MYOF: variants seen among roughly 807,000 people sequenced by gnomAD.
MYOF encodes the protein myoferlin.
Under a neutral mutation model 284.2 loss-of-function variants are expected in MYOF, and 244 were observed. That is an observed-to-expected ratio of 0.86 (90% confidence interval 0.77 to 0.95). The LOEUF is 0.95. MYOF is among the 40% of genes least tolerant of loss of function. The probability of loss-of-function intolerance (pLI) is 0.00; values close to 1 mark genes in which losing one functional copy is unlikely to be tolerated. For missense variants in MYOF, 2,496 were observed against 2,560.6 expected (o/e 0.97, Z 0.54); for synonymous variants, 904 against 919.7 (o/e 0.98, Z 0.31).
At chr10:93,425,020 C>A (rs1461224890) in intron 5 of MYOF, among the ~76,000 whole-genome samples, 1 of 133,406 alleles carries the variant, frequency 7.5e-6, no homozygotes, top group African/African-American at 2.8e-5. Context: ...CTCACTGAAA[C>A]CTCCTCCTCA....
Position 93,328,831 on chromosome 10 carries a change from T to G in MYOF, c.5063A>C (p.Gln1688Pro). 6.2e-7 allele frequency: 1 copy of G among 1,613,798 alleles called. No homozygotes were observed. Among genetic ancestry groups the G allele is most frequent in the South Asian group, 1.1e-5 (1 of 91,000 alleles). ...QNVARFKGFP[Q>P]PILSEDGSRI... Reference sequence around the variant, plus strand: ...ACTCCCATCTTCGGAAAGGATGGGTTGTGGGAAGCCTTTGAATCTGGCGAC... The same window carrying G: ...ACTCCCATCTTCGGAAAGGATGGGTGGTGGGAAGCCTTTGAATCTGGCGAC... The change falls in exon 45 of 54, where the codon CAA (glutamine) becomes CCA (proline). Residue 1688 changes from glutamine to proline, a missense_variant. Gln to Pro is a moderately conservative substitution (Grantham distance 76). Around this residue, in one of 3 missense-constraint regions of MYOF, gnomAD observed 2,436 missense variants for 2,480.7 expected, o/e 0.98. Coordinates refer to ENST00000359263, the MANE Select transcript of MYOF (RefSeq NM_013451.4).
At position 93,379,872 on chromosome 10, in the gene MYOF, T is replaced by C. The variant is rs745950284; in HGVS notation, c.1992A>G (p.Ala664=). 1.2e-6 allele frequency: 2 copies of C among 1,613,556 alleles called. No homozygotes were observed. The highest frequency in any genetic ancestry group is 1.3e-5 in the African/African-American group (1 of 74,918). Reference sequence around the variant, plus strand: ...AAAAAGAGAAACTTACCAGCCGTTCTGCCATAGCTAGGAGAGTGTTCACCG... The same window carrying C: ...AAAAAGAGAAACTTACCAGCCGTTCCGCCATAGCTAGGAGAGTGTTCACCG... ...LDAVNTLLAM[A]ERLQTNIEAL... The change falls in exon 21 of 54, where the codon GCA becomes GCG. Residue 664 remains alanine (A), a synonymous_variant. Transcript: ENST00000359263.
chr10:93,357,606 AAT>A (rs1182711986), intron 29 of MYOF, among the ~76,000 whole-genome samples: 1 of 152,234 alleles, frequency 6.6e-6, no homozygotes, highest in African/African-American at 2.4e-5. Context: ...AATGTGGAAT[AAT>A]ATTCAAGACC....
chr10:93,451,742 T>C (rs146713828), intron 3 of MYOF, among the ~76,000 whole-genome samples: 71 of 152,072 alleles, frequency 4.7e-4, no homozygotes, highest in Non-Finnish European at 9.3e-4. Context: ...CTGCCAGAGG[T>C]AGGAAGTGCA....
Position 93,351,660 on chromosome 10 carries a change from C to T in MYOF, c.3663+5G>A, listed in dbSNP as rs368203793. ...AAGTTATCTTAGAAATTCTAAACGACCTACCACTTGGTCATTGTCAAAAAG... is the reference window on the plus strand; with the variant it reads ...AAGTTATCTTAGAAATTCTAAACGATCTACCACTTGGTCATTGTCAAAAAG... On this transcript the variant is annotated splice_donor_5th_base_variant and intron_variant, in intron 33 of 53. Transcript: ENST00000359263. The T allele has an allele frequency of 6.3e-6, 10 of 1,590,196 alleles. No individual in the cohort carries two copies. In the African/African-American group the frequency reaches 6.8e-5, roughly 11 times the overall value.
chr10:93,369,348 A>G (rs1845481570), intron 25 of MYOF, among the ~76,000 whole-genome samples: 1 of 152,090 alleles, frequency 6.6e-6, no homozygotes, highest in African/African-American at 2.4e-5. Flanking sequence ...AGAGCTAGAA[A>G]GACACCCATT....
intron 5 of MYOF, among the ~76,000 whole-genome samples, chr10:93,414,070 T>C (rs908175710): frequency 2.0e-5 from 3 of 152,130 alleles, no homozygotes; most frequent in African/African-American, 7.2e-5. Flanking sequence ...AAAATCAAGA[T>C]GTTGGCAGAG....
chr10:93,437,982 T>C (rs978478147), intron 3 of MYOF, among the ~76,000 whole-genome samples: 2 of 152,190 alleles, frequency 1.3e-5, no homozygotes, highest in South Asian at 2.1e-4. Context: ...AAGCCTGTGC[T>C]TCCTTATGAA....
chr10:93,390,601 T>C (rs1021567990), intron 17 of MYOF, among the ~76,000 whole-genome samples: 1 of 152,162 alleles, frequency 6.6e-6, no homozygotes, highest in African/African-American at 2.4e-5. Context: ...TACATGAACA[T>C]ATAAATTGGC....
intron 16 of MYOF, among the ~76,000 whole-genome samples, chr10:93,395,727 G>A (rs780582934): frequency 4.0e-5 from 6 of 151,714 alleles, no homozygotes; most frequent in East Asian, 1.9e-4. Context: ...CAAGGGATTC[G>A]GTTGAGAAGG....
intron 15 of MYOF, 72 bp from the exon 16 acceptor site, chr10:93,396,296 A>C: frequency 9.2e-7 from 1 of 1,081,278 alleles, no homozygotes; most frequent in South Asian, 1.7e-5. Context: ...ATATGTCTTC[A>C]TTTCAACAAT....
intron 4 of MYOF, among the ~76,000 whole-genome samples, chr10:93,429,622 A>G (rs1416382630): frequency 2.6e-5 from 4 of 152,254 alleles, no homozygotes; most frequent in African/African-American, 9.6e-5. Flanking sequence ...TGGCAAATCT[A>G]TAAGTTTTAG....
chr10:93,400,746 A>G (rs7087305), intron 12 of MYOF, among the ~76,000 whole-genome samples: 3 of 152,102 alleles, frequency 2.0e-5, no homozygotes, highest in Non-Finnish European at 4.4e-5. Flanking sequence ...AAATGGAATC[A>G]CTAGAAGCGA....
intron 46 of MYOF, among the ~76,000 whole-genome samples, chr10:93,325,508 T>G (rs1019092224): frequency 6.6e-6 from 1 of 152,050 alleles, no homozygotes; most frequent in African/African-American, 2.4e-5. Context: ...ACTCAAGGAC[T>G]CTCTGTAATA....
chr10:93,364,059 C>CT lies in MYOF; in HGVS notation c.2769dup (p.Asp924ArgfsTer9). On this transcript the variant is annotated frameshift_variant, in exon 27 of 54. Transcript: ENST00000359263. LOFTEE classifies it high-confidence loss of function. ...TCAGTGAACTCCGTGTGACCTGCAT[C>CT]TGCCTCAGTCAGCAAGCTGTGGGGC... The CT allele has an allele frequency of 6.2e-7, 1 of 1,614,164 alleles. No homozygotes were observed.
chr10:93,431,641 C>G, intron 3 of MYOF, 125 bp from the exon 4 acceptor site: 1 of 673,322 alleles, frequency 1.5e-6, no homozygotes, highest in Admixed American at 2.8e-5. Context: ...GAGATGTGGG[C>G]CATTTTGCTA....
At position 93,343,905 on chromosome 10, in the gene MYOF, C is replaced by T. The variant is rs201449564; in HGVS notation, c.4277G>A (p.Arg1426Gln). 2.2e-4 allele frequency: 362 copies of T among 1,614,148 alleles called. 2 individuals are homozygous for T. The African/African-American group carries it at 3.6e-3, about 16-fold the overall frequency. The change falls in exon 38 of 54, where the codon CGG (arginine) becomes CAG (glutamine). Residue 1426 changes from arginine to glutamine, a missense_variant. Arg to Gln is a conservative substitution (Grantham distance 43). Around this residue, in one of 3 missense-constraint regions of MYOF, gnomAD observed 2,436 missense variants for 2,480.7 expected, o/e 0.98. Transcript: ENST00000359263. The part of the protein sequence containing the change: ...KASLLSAPPC[R>Q]DIVIEMEDTK... ...GTCTTCCATTTCGATAACGATGTCC[C>T]GGCATGGTGGGGCAGACAGAAGGGA...
chr10:93,357,032 C>T (rs1168554303), intron 29 of MYOF, among the ~76,000 whole-genome samples, 184 bp from the exon 30 acceptor site: 1 of 152,186 alleles, frequency 6.6e-6, no homozygotes, highest in Non-Finnish European at 1.5e-5. Flanking sequence ...CCTTGCAGAG[C>T]TGATGGACTG....
chr10:93,326,203 C>G (rs1014122559), intron 45 of MYOF, among the ~76,000 whole-genome samples: 2 of 152,132 alleles, frequency 1.3e-5, no homozygotes. Context: ...GCCAGGACAC[C>G]AGAACGGGTA....
Sources: allele counts gnomAD v4.1 joint callset (sites outside exome capture counted in the v4.1 genomes callset), GRCh38; gene constraint gnomAD v4.1.1; regional missense constraint gnomAD v4.1.1; transcripts MANE v1.5; gene names NCBI Gene and HGNC (gene_info 2026-07-23, HGNC 2026-07-21).